GPR141: variants seen among roughly 807,000 people sequenced by gnomAD.
GPR141 encodes the protein probable G protein-coupled receptor 141.
In GPR141, 6 loss-of-function variants were observed where a neutral mutation model predicts 6.8. That is an observed-to-expected ratio of 0.88 (90% CI 0.48 to 1.74). The LOEUF (loss-of-function observed/expected upper bound fraction) is 1.74. Ranked by LOEUF, GPR141 falls within the 40% of genes most tolerant of loss-of-function variation. The pLI is 0.01. For synonymous variants in GPR141, 140 were observed against 142.3 expected (o/e 0.98, Z 0.11); for missense variants, 372 against 372.9 (o/e 1.00, Z 0.02).
At position 37,740,384 on chromosome 7, in the gene GPR141, C is replaced by A; in HGVS notation, c.-10C>A. On this transcript the variant is annotated 5_prime_UTR_variant, in exon 3 of 3. Coordinates refer to ENST00000334425, the MANE Select transcript of GPR141 (RefSeq NM_001381946.1). ...CTGGTGCTTTTTCTCCTCCAGGTGA[C>A]TTCCCAAGTATGCCTGGCCACAATA... The A allele has an allele frequency of 1.9e-6, 3 of 1,575,648 alleles. No individual in the cohort carries two copies. Among genetic ancestry groups the A allele is most frequent in the Non-Finnish European group, 2.6e-6 (3 of 1,156,828 alleles).
intron 2 of GPR141, among the ~76,000 whole-genome samples, chr7:37,691,355 C>T (rs543957886): frequency 8.2e-4 from 114 of 138,888 alleles, no homozygotes; most frequent in Non-Finnish European, 1.3e-3. Context: ...AGTGCAGTGG[C>T]GCCATCTTGG....
intron 2 of GPR141, among the ~76,000 whole-genome samples, chr7:37,690,291 C>T (rs969900111): frequency 7.9e-5 from 12 of 152,016 alleles, no homozygotes; most frequent in African/African-American, 1.7e-4. Flanking sequence ...ATGTAATTCC[C>T]GGCGTTAGAG....
intron 2 of GPR141, among the ~76,000 whole-genome samples, chr7:37,715,947 A>T (rs1012169431): frequency 1.3e-5 from 2 of 152,122 alleles, no homozygotes; most frequent in African/African-American, 4.8e-5. Context: ...GTGCAGCCCA[A>T]ACTAGTAATT....
At chr7:37,702,496 C>A (rs1467907606) in intron 2 of GPR141, among the ~76,000 whole-genome samples, 1 of 151,758 alleles carries the variant, frequency 6.6e-6, no homozygotes, top group African/African-American at 2.4e-5. Context: ...CTGTCAAATA[C>A]AAATTTTCAC....
chr7:37,731,703 C>G (rs1026422656), intron 2 of GPR141, among the ~76,000 whole-genome samples: 1 of 152,206 alleles, frequency 6.6e-6, no homozygotes, highest in Admixed American at 6.5e-5. Context: ...CCGCCCGCCT[C>G]GGCCTCCCGA....
chr7:37,702,806 CA>C (rs959849960), intron 2 of GPR141, among the ~76,000 whole-genome samples: 11 of 12,394 alleles, frequency 8.9e-4, no homozygotes, highest in Admixed American at 1.8e-3. Context: ...CAGTTCAATT[CA>C]AAAAAAAAAA....
intron 2 of GPR141, among the ~76,000 whole-genome samples, chr7:37,709,509 A>T (rs941300495): frequency 6.6e-6 from 1 of 152,202 alleles, no homozygotes; most frequent in African/African-American, 2.4e-5. Flanking sequence ...AAAGAGCATG[A>T]TTGCTATTAG....
At chr7:37,724,620 C>A (rs1811535526) in intron 2 of GPR141, among the ~76,000 whole-genome samples, 1 of 152,200 alleles carries the variant, frequency 6.6e-6, no homozygotes, top group Non-Finnish European at 1.5e-5. Flanking sequence ...GGATGAACTG[C>A]TGCTTGAGTT....
intron 2 of GPR141, among the ~76,000 whole-genome samples, chr7:37,736,103 CA>C (rs1812222313): frequency 6.6e-6 from 1 of 152,048 alleles, no homozygotes; most frequent in African/African-American, 2.4e-5. Context: ...ACTAAAAATA[CA>C]AACATTAGCC....
intron 2 of GPR141, among the ~76,000 whole-genome samples, chr7:37,729,546 A>G (rs953412355): frequency 6.6e-6 from 1 of 152,244 alleles, no homozygotes; most frequent in Non-Finnish European, 1.5e-5. Flanking sequence ...CTAGTTTTGA[A>G]AGAAATTCAA....
intron 2 of GPR141, among the ~76,000 whole-genome samples, chr7:37,712,739 G>T (rs200111363): frequency 6.6e-6 from 1 of 152,330 alleles, no homozygotes; most frequent in African/African-American, 2.4e-5. Context: ...CCAGCAAAAT[G>T]CCACCTAATA....
intron 2 of GPR141, among the ~76,000 whole-genome samples, chr7:37,696,976 C>A (rs986928311): frequency 6.6e-6 from 1 of 151,682 alleles, no homozygotes; most frequent in African/African-American, 2.4e-5. Flanking sequence ...TTTATAATAC[C>A]ATAGATAGAT....
Position 37,741,623 on chromosome 7 carries a change from C to T in GPR141, c.*312C>T, listed in dbSNP as rs1160714055. On this transcript the variant is annotated 3_prime_UTR_variant, in exon 3 of 3. Coordinates refer to ENST00000334425, the MANE Select transcript of GPR141 (RefSeq NM_001381946.1). The stretch of plus-strand genomic sequence containing the variant: ...TAAGAGTTTTAGAGTTTCATTAGCT[C>T]ATTCTAAGTTCCTCTGTTTGAAGCA... Among the ~76,000 whole-genome samples the T allele has an allele frequency of 1.3e-5, 2 of 152,152 alleles. No homozygotes were observed. Among genetic ancestry groups the T allele is most frequent in the Admixed American group, 6.5e-5 (1 of 15,270 alleles).
intron 2 of GPR141, among the ~76,000 whole-genome samples, chr7:37,695,480 A>C (rs1356177124): frequency 6.6e-6 from 1 of 152,098 alleles, no homozygotes; most frequent in Non-Finnish European, 1.5e-5. Flanking sequence ...CAAAGTGTGG[A>C]TGATGTTGGC....
chr7:37,740,776 G>A lies in GPR141; in HGVS notation c.383G>A (p.Arg128Lys). 6.2e-7 allele frequency: 1 copy of A among 1,614,162 alleles called. No individual in the cohort carries two copies. Residue 128 changes from arginine to lysine, a missense_variant, in exon 3 of 3, where the codon AGA (arginine) becomes AAA (lysine). By Grantham distance (26) the Arg-to-Lys change is conservative. Coordinates refer to ENST00000334425, the MANE Select transcript of GPR141 (RefSeq NM_001381946.1). ...FKCKDKVEFY[R>K]KLHAVAASAG... ...TGCAAAGACAAAGTGGAATTCTACA[G>A]AAAACTGCATGCTGTGGCTGCCAGT...
At chr7:37,709,848 G>A (rs1482065511) in intron 2 of GPR141, 2 of 152,156 alleles carry the variant, frequency 1.3e-5, no homozygotes, top group Non-Finnish European at 2.9e-5. Context: ...ACAAGAGCTG[G>A]GATCACAGCA....
At chr7:37,711,196 A>G (rs1810778419) in intron 2 of GPR141, among the ~76,000 whole-genome samples, 1 of 152,190 alleles carries the variant, frequency 6.6e-6, no homozygotes, top group South Asian at 2.1e-4. Context: ...ATGACCAGGA[A>G]TCATCTGGAG....
rs74777692 is a variant in GPR141 at position 37,711,425 on chromosome 7, T to C, written c.-15+25842T>C. 8.7e-3 allele frequency among the ~76,000 whole-genome samples: 1,326 copies of C among 152,272 alleles called. 23 individuals carry two copies. Among genetic ancestry groups the C allele is most frequent in the African/African-American group, 0.03 (1,245 of 41,546 alleles). On this transcript the variant is annotated intron_variant, in intron 2 of 2. Coordinates refer to ENST00000334425, the MANE Select transcript of GPR141 (RefSeq NM_001381946.1). Reference sequence around the variant, plus strand: ...ACTTTGAGCTACATGGGAGTAAGTGTGGAAAAATCAAGTCATGGGGCAGGA... The same window carrying C: ...ACTTTGAGCTACATGGGAGTAAGTGCGGAAAAATCAAGTCATGGGGCAGGA...
At chr7:37,691,586 TTC>T (rs1809770164) in intron 2 of GPR141, among the ~76,000 whole-genome samples, 1 of 152,190 alleles carries the variant, frequency 6.6e-6, no homozygotes, top group Admixed American at 6.5e-5. Context: ...TTTGATTATT[TTC>T]TGTTTCTCCT....
Sources: allele counts gnomAD v4.1 joint callset (sites outside exome capture counted in the v4.1 genomes callset), GRCh38; gene constraint gnomAD v4.1.1; transcripts MANE v1.5; gene names NCBI Gene and HGNC (gene_info 2026-07-23, HGNC 2026-07-21).